Variants in TENM3 observed in about 807,000 individuals in gnomAD.
TENM3 encodes teneurin transmembrane protein 3.
A neutral mutation model predicts 255.1 loss-of-function variants in TENM3; 63 were observed. The observed-to-expected ratio is 0.25, with a 90% confidence interval of 0.20 to 0.30. The LOEUF (loss-of-function observed/expected upper bound fraction) is 0.30, where lower values mean the gene tolerates loss of function less well. TENM3 is among the 10% of genes least tolerant of loss of function. The probability of loss-of-function intolerance (pLI) is 1.00; values close to 1 mark genes in which losing one functional copy is unlikely to be tolerated. For missense variants in TENM3, 2,929 were observed against 3,461.1 expected (o/e 0.85, Z 3.86); for synonymous variants, 1,306 against 1,322.3 (o/e 0.99, Z 0.27).
chr4:181,901,009 G>T, the TENM3 span, among the ~76,000 whole-genome samples: 1 of 152,246 alleles, frequency 6.6e-6, no homozygotes, highest in African/African-American at 2.4e-5. Flanking sequence ...TCAGATTGGA[G>T]CCCAATTTTT....
intron 13 of TENM3, among the ~76,000 whole-genome samples, chr4:182,716,437 C>A (rs571413715): frequency 6.6e-6 from 1 of 152,204 alleles, no homozygotes; most frequent in Admixed American, 6.5e-5. Flanking sequence ...AGGCTCCCCT[C>A]TCGGAGGGGA....
the TENM3 span, among the ~76,000 whole-genome samples, chr4:181,609,276 TC>T: frequency 2.6e-5 from 4 of 152,220 alleles, no homozygotes; most frequent in African/African-American, 9.6e-5. Flanking sequence ...ACTTCTTTTT[TC>T]CATAAAGTTG....
At chr4:181,791,237 G>A in the TENM3 span, among the ~76,000 whole-genome samples, 1 of 152,172 alleles carries the variant, frequency 6.6e-6, no homozygotes, top group Non-Finnish European at 1.5e-5. Flanking sequence ...GGTCTCTTTT[G>A]TGGGGGGTAT....
chr4:181,992,053 T>A, the TENM3 span, among the ~76,000 whole-genome samples: 1 of 152,134 alleles, frequency 6.6e-6, no homozygotes, highest in Non-Finnish European at 1.5e-5. Flanking sequence ...TACCAAACCG[T>A]GTGTGTTCAT....
At chr4:181,480,165 C>CT in the TENM3 span, among the ~76,000 whole-genome samples, 51 of 53,770 alleles carry the variant, frequency 9.5e-4, no homozygotes, top group African/African-American at 5.1e-3. Flanking sequence ...AAGGATCCTA[C>CT]CACATTTATT....
the TENM3 span, among the ~76,000 whole-genome samples, chr4:182,091,669 C>A: frequency 1.3e-5 from 2 of 152,274 alleles, no homozygotes; most frequent in East Asian, 3.9e-4. Flanking sequence ...TGATGGGGAG[C>A]CTTAGCTCTC....
intron 6 of TENM3, among the ~76,000 whole-genome samples, chr4:182,671,534 T>A (rs981398475): frequency 4.6e-5 from 7 of 152,198 alleles, no homozygotes; most frequent in Non-Finnish European, 1.0e-4. Flanking sequence ...TACTCATATG[T>A]TGCTTTAGGG....
intron 3 of TENM3, among the ~76,000 whole-genome samples, chr4:182,600,251 A>G (rs1275060313): frequency 6.6e-6 from 1 of 152,232 alleles, no homozygotes. Flanking sequence ...TGTGACGGTC[A>G]TTAAGTATAT....
the TENM3 span, among the ~76,000 whole-genome samples, chr4:181,985,899 A>T: frequency 2.6e-5 from 4 of 151,886 alleles, no homozygotes; most frequent in African/African-American, 9.7e-5. Context: ...TTCTTCACCT[A>T]CCTCTAGTTA....
chr4:182,374,476 G>A (rs562347622), intron 3 of TENM3, among the ~76,000 whole-genome samples: 1 of 152,206 alleles, frequency 6.6e-6, no homozygotes, highest in African/African-American at 2.4e-5. Flanking sequence ...CACATGATGA[G>A]TTGTGTTATA....
the TENM3 span, among the ~76,000 whole-genome samples, chr4:181,760,584 T>G: frequency 2.0e-5 from 3 of 152,138 alleles, no homozygotes; most frequent in Non-Finnish European, 4.4e-5. Context: ...ACCTAAAAAC[T>G]TCAATCAGTC....
At chr4:182,080,320 A>G in the TENM3 span, among the ~76,000 whole-genome samples, 1 of 152,162 alleles carries the variant, frequency 6.6e-6, no homozygotes, top group Non-Finnish European at 1.5e-5. Context: ...GATGTTATAG[A>G]AATATGTTTC....
chr4:181,843,992 A>T, the TENM3 span, among the ~76,000 whole-genome samples: 1 of 152,026 alleles, frequency 6.6e-6, no homozygotes, highest in Non-Finnish European at 1.5e-5. Flanking sequence ...TGCTGGGATT[A>T]CAGACATGAG....
At chr4:182,564,581 GTT>G (rs34401330) in intron 3 of TENM3, among the ~76,000 whole-genome samples, 270 of 137,350 alleles carry the variant, frequency 2.0e-3, no homozygotes, top group Middle Eastern at 7.2e-3. Context: ...TTTTTGTTTT[GTT>G]TTTTTTTTTT....
chr4:181,780,907 G>C, the TENM3 span, among the ~76,000 whole-genome samples: 2 of 152,082 alleles, frequency 1.3e-5, no homozygotes, highest in Non-Finnish European at 1.5e-5. Context: ...GTTTTTCTCA[G>C]GTTTGTCAAA....
the TENM3 span, among the ~76,000 whole-genome samples, chr4:181,815,263 C>A: frequency 6.6e-6 from 1 of 150,784 alleles, no homozygotes; most frequent in Non-Finnish European, 1.5e-5. Flanking sequence ...ACCAGCCTGG[C>A]CAACATGGTG....
chr4:181,948,766 G>A, the TENM3 span, among the ~76,000 whole-genome samples: 2 of 152,124 alleles, frequency 1.3e-5, no homozygotes, highest in Non-Finnish European at 2.9e-5. Context: ...TCTGGTGGCT[G>A]AAAAGTACCC....
chr4:182,651,528 TA>T (rs983947622), intron 5 of TENM3, among the ~76,000 whole-genome samples: 19 of 148,390 alleles, frequency 1.3e-4, no homozygotes, highest in East Asian at 1.2e-3. Flanking sequence ...CCGTCTGTAA[TA>T]AAAAAAAAAT....
chr4:182,482,969 T>C (rs1230758005), intron 3 of TENM3, among the ~76,000 whole-genome samples: 1 of 152,222 alleles, frequency 6.6e-6, no homozygotes, highest in East Asian at 1.9e-4. Context: ...CTTAAAGTTT[T>C]CATTGAAATT....
Sources: gnomAD v4.1 joint callset for allele counts (sites outside exome capture counted in the v4.1 genomes callset) on GRCh38, gnomAD v4.1.1 for gene constraint, MANE v1.5 for transcripts, NCBI Gene and HGNC (gene_info 2026-07-23, HGNC 2026-07-21) for gene names.